Variants in ITGA4 observed in about 807,000 individuals in gnomAD.
ITGA4 encodes the protein integrin alpha-4.
Under a neutral mutation model 133.6 loss-of-function variants are expected in ITGA4, and 63 were observed. The ratio of observed to expected loss-of-function variants is 0.47; its 90% CI spans 0.38 to 0.58. ITGA4 has a LOEUF of 0.58. Ranked by LOEUF, ITGA4 falls within the 20% of genes least tolerant of loss-of-function variation. The pLI is 0.00. For synonymous variants in ITGA4, 483 were observed against 438.0 expected (o/e 1.10, Z -1.28); for missense variants, 1,076 against 1,252.7 (o/e 0.86, Z 2.13).
chr2:181,498,528 C>A, intron 14 of ITGA4, 95 bp from the exon 15 acceptor site: 2 of 614,528 alleles, frequency 3.3e-6, no homozygotes, highest in South Asian at 3.6e-5. Context: ...ATATTATTTC[C>A]AGTAGTCCAT....
In ITGA4 at chr2:181,457,466, C is replaced by G. The variant is rs941731872; in HGVS notation, c.-189C>G. ...CGGGCGAGTGCGCGGCATCCCAGGC[C>G]GGCCCGAACGCTCCGCCCGCGGTGG... On this transcript the variant is annotated 5_prime_UTR_variant, in exon 1 of 28. Coordinates refer to ENST00000397033, the MANE Select transcript of ITGA4 (RefSeq NM_000885.6). 3.5e-6 allele frequency: 2 copies of G among 577,372 alleles called. No homozygotes were observed. Among genetic ancestry groups the G allele is most frequent in the Non-Finnish European group, 6.0e-6 (2 of 334,424 alleles). The allele number at this position is 577,372 out of a possible 1,614,324, so 35.8% of individuals were successfully genotyped here.
rs546725040 is a variant in ITGA4 at position 181,534,950 on chromosome 2, A to C, written c.3003+15A>C. 6.5e-7 allele frequency: 1 copy of C among 1,550,220 alleles called. No individual in the cohort carries two copies. The highest frequency in any genetic ancestry group is 1.2e-5 in the South Asian group (1 of 82,378). ...TTATGTGGAAGGTAAGCATTTAACA[A>C]TTACCAACATTAGTCTACTAAAAAT... On this transcript the variant is annotated intron_variant, in intron 27 of 27. Transcript: ENST00000397033.
In ITGA4 at chr2:181,464,910, C is replaced by A. The variant is rs1017869775; in HGVS notation, c.319+6593C>A. ...AGGTGACAGGTCTGGGCTCAGTGTG[C>A]TTGTTCTCATTTTACCTCTGAGAAT... On this transcript the variant is annotated intron_variant, in intron 2 of 27. Transcript: ENST00000397033. 2.6e-5 allele frequency among the ~76,000 whole-genome samples: 4 copies of A among 152,132 alleles called. No individual in the cohort carries two copies. In the East Asian group the frequency reaches 5.8e-4, roughly 22 times the overall value.
At chr2:181,511,577 T>C (rs1686506227) in intron 16 of ITGA4, 122 bp from the exon 17 acceptor site, 1 of 571,700 alleles carries the variant, frequency 1.7e-6, no homozygotes, top group Non-Finnish European at 3.1e-6. Flanking sequence ...AAATAAAGAG[T>C]TGTCAATTTG....
intron 10 of ITGA4, 161 bp from the exon 11 acceptor site, chr2:181,493,164 G>A: frequency 1.7e-6 from 1 of 572,554 alleles, no homozygotes; most frequent in Non-Finnish European, 3.1e-6. Context: ...TCCTGTATAT[G>A]ATGATGATAG....
Position 181,509,804 on chromosome 2 carries a change from A to ATTCCT in ITGA4, c.1842_1843insTTCCT (p.Thr615PhefsTer4), listed in dbSNP as rs776802991. The ATTCCT allele has an allele frequency of 1.2e-6, 2 of 1,601,422 alleles. No homozygotes were observed. Among genetic ancestry groups the ATTCCT allele is most frequent in the African/African-American group, 2.7e-5 (2 of 74,264 alleles). ...AGAAAGAAAAAGACATAATGAAAAAAACAGTAGGAATATTTTCCTTTATTC... is the reference window on the plus strand; with the variant it reads ...AGAAAGAAAAAGACATAATGAAAAAATTCCTACAGTAGGAATATTTTCCTTTATTC... On this transcript the variant is annotated frameshift_variant, in exon 16 of 28. Transcript: ENST00000397033. LOFTEE classifies it high-confidence loss of function.
chr2:181,503,596 A>T (rs1434426589), intron 15 of ITGA4, among the ~76,000 whole-genome samples: 1 of 144,916 alleles, frequency 6.9e-6, no homozygotes, highest in African/African-American at 2.5e-5. Context: ...TTTGCTTTAA[A>T]AAATCCTTTG....
Position 181,537,227 on chromosome 2 carries a change from G to A in ITGA4, c.*1700G>A, listed in dbSNP as rs202185278. The A allele has an allele frequency of 1.1e-4, 50 of 452,856 alleles. No homozygotes were observed. Among genetic ancestry groups the A allele is most frequent in the Non-Finnish European group, 2.1e-4 (47 of 225,958 alleles). The allele number at this position is 452,856 out of a possible 1,614,324, so 28.1% of individuals were successfully genotyped here. A position where few individuals can be genotyped will look rare whatever the true frequency, so the allele number is the denominator to read the frequency against. ...CCCGATTTAGAACTGTCTTCTCCAGGATGGTCTCTAAGGAAATTTACATTT... is the reference window on the plus strand; with the variant it reads ...CCCGATTTAGAACTGTCTTCTCCAGAATGGTCTCTAAGGAAATTTACATTT... On this transcript the variant is annotated 3_prime_UTR_variant, in exon 28 of 28. Coordinates refer to ENST00000397033, the MANE Select transcript of ITGA4 (RefSeq NM_000885.6).
chr2:181,491,620 A>G (rs1439715810), intron 10 of ITGA4, among the ~76,000 whole-genome samples: 1 of 152,256 alleles, frequency 6.6e-6, no homozygotes, highest in African/African-American at 2.4e-5. Flanking sequence ...GTTATGAAGA[A>G]TCAATATATA....
chr2:181,500,209 G>A (rs1369802649), intron 15 of ITGA4, among the ~76,000 whole-genome samples: 1 of 152,062 alleles, frequency 6.6e-6, no homozygotes, highest in Non-Finnish European at 1.5e-5. Flanking sequence ...AAGTTACCTT[G>A]CTTGTGTTTG....
Position 181,530,565 on chromosome 2 carries a change from G to A in ITGA4, c.2580G>A (p.Val860=). ...GCCACTTTGAAAATTATCAAAGAGT[G>A]TGTGCATTAGAGCAGCAAAAGAGTG... ...GECHFENYQR[V]CALEQQKSAM... is the part of the protein sequence containing the mutation. The change falls in exon 24 of 28, where the codon GTG becomes GTA. Residue 860 remains valine, a synonymous_variant. Coordinates refer to ENST00000397033, the MANE Select transcript of ITGA4 (RefSeq NM_000885.6). 1 of 1,613,070 alleles carries A rather than the reference G, an allele frequency of 6.2e-7. No homozygotes were observed. The highest frequency in any genetic ancestry group is 8.5e-7 in the Non-Finnish European group (1 of 1,179,164).
At chr2:181,458,173 C>G (rs1685177621) in intron 1 of ITGA4, 23 bp from the exon 2 acceptor site, 1 of 1,613,884 alleles carries the variant, frequency 6.2e-7, no homozygotes. Flanking sequence ...CGTCTGAGCG[C>G]ACGTGCACGT....
At chr2:181,531,409 T>C (rs1185482711) in intron 24 of ITGA4, among the ~76,000 whole-genome samples, 1 of 152,210 alleles carries the variant, frequency 6.6e-6, no homozygotes, top group African/African-American at 2.4e-5. Flanking sequence ...CAGAAGATTA[T>C]GTTAATACAA....
intron 14 of ITGA4, among the ~76,000 whole-genome samples, chr2:181,496,164 G>A (rs1264594524): frequency 6.6e-6 from 1 of 152,180 alleles, no homozygotes; most frequent in African/African-American, 2.4e-5. Context: ...ATTATGAGAA[G>A]CAAAGGACAT....
Position 181,537,254 on chromosome 2 carries a change from G to GTTCT in ITGA4, c.*1731_*1734dup, listed in dbSNP as rs1286985126. 2.2e-6 allele frequency: 1 copy of GTTCT among 453,604 alleles called. No homozygotes were observed. Among genetic ancestry groups the GTTCT allele is most frequent in the Admixed American group, 2.4e-5 (1 of 42,512 alleles). The allele number at this position is 453,604 out of a possible 1,614,324, so 28.1% of individuals were successfully genotyped here. A position where few individuals can be genotyped will look rare whatever the true frequency, so the allele number is the denominator to read the frequency against. On this transcript the variant is annotated 3_prime_UTR_variant, in exon 28 of 28. Transcript: ENST00000397033. ...TGGTCTCTAAGGAAATTTACATTTG[G>GTTCT]TTCTTTCCTACTCAGAACTACTCAG...
chr2:181,508,657 C>T (rs1686442189), intron 15 of ITGA4, among the ~76,000 whole-genome samples: 1 of 152,012 alleles, frequency 6.6e-6, no homozygotes, highest in Non-Finnish European at 1.5e-5. Context: ...AATCACGCCA[C>T]TGCCCTCAAG....
At chr2:181,459,125 C>T (rs972792515) in intron 2 of ITGA4, 1 of 152,100 alleles carries the variant, frequency 6.6e-6, no homozygotes, top group African/African-American at 2.4e-5. Context: ...TTAAAGCAAC[C>T]CTGGGTCATG....
At chr2:181,507,482 G>T (rs984014804) in intron 15 of ITGA4, among the ~76,000 whole-genome samples, 1 of 152,022 alleles carries the variant, frequency 6.6e-6, no homozygotes, top group Non-Finnish European at 1.5e-5. Context: ...CGTAGTGCTT[G>T]AACAGGTGCT....
At chr2:181,529,794 G>T in intron 23 of ITGA4, 146 bp downstream of exon 23, 1 of 553,178 alleles carries the variant, frequency 1.8e-6, no homozygotes, top group East Asian at 3.1e-5. Context: ...AATTCACCAT[G>T]CATTTATTGA....
Sources: allele counts gnomAD v4.1 joint callset (sites outside exome capture counted in the v4.1 genomes callset), GRCh38; gene constraint gnomAD v4.1.1; transcripts MANE v1.5; gene names NCBI Gene and HGNC (gene_info 2026-07-23, HGNC 2026-07-21).